GRIK4: variants seen among roughly 807,000 people sequenced by gnomAD.
The protein encoded by GRIK4 is glutamate receptor ionotropic, kainate 4.
In GRIK4, 40 loss-of-function variants were observed where a neutral mutation model predicts 104.9. The ratio of observed to expected loss-of-function variants is 0.38; its 90% CI spans 0.30 to 0.50. The LOEUF (loss-of-function observed/expected upper bound fraction) is 0.50, where lower values mean the gene tolerates loss of function less well. Among genes scored for constraint, GRIK4 ranks in the 20% least tolerant of loss-of-function variants. GRIK4 has a pLI of 0.93. For synonymous variants in GRIK4, 485 were observed against 524.9 expected, an observed-to-expected ratio of 0.92 and a Z score of 1.04; for missense variants, 1,047 against 1,308.1, an observed-to-expected ratio of 0.80 and a Z score of 3.08.
At chr11:120,954,732 G>A (rs1944094379) in intron 15 of GRIK4, among the ~76,000 whole-genome samples, 2 of 148,018 alleles carry the variant, frequency 1.4e-5, no homozygotes, top group Admixed American at 6.8e-5. Context: ...TCACAGAAAG[G>A]TTAACAGAAA....
At chr11:120,864,001 T>C (rs1954327873) in intron 9 of GRIK4, among the ~76,000 whole-genome samples, 1 of 151,882 alleles carries the variant, frequency 6.6e-6, no homozygotes, top group African/African-American at 2.4e-5. Flanking sequence ...ATTTTAGACC[T>C]AAAAGAGGCA....
At chr11:120,826,516 C>T (rs986163239) in intron 6 of GRIK4, among the ~76,000 whole-genome samples, 4 of 152,194 alleles carry the variant, frequency 2.6e-5, no homozygotes, top group African/African-American at 9.7e-5. Context: ...TTAGGAAACA[C>T]TGAAGGTTAT....
chr11:120,681,180 A>G (rs1327322551), intron 3 of GRIK4, among the ~76,000 whole-genome samples: 4 of 152,182 alleles, frequency 2.6e-5, no homozygotes, highest in Admixed American at 1.3e-4. Context: ...AGGATCATCA[A>G]AAAGAAAGGG....
At chr11:120,843,098 C>T (rs1375335403) in intron 8 of GRIK4, among the ~76,000 whole-genome samples, 1 of 152,258 alleles carries the variant, frequency 6.6e-6, no homozygotes, top group Admixed American at 6.5e-5. Context: ...GGTCAAAAGT[C>T]AGGGACTGCC....
chr11:120,550,838 G>A (rs1190863885), intron 1 of GRIK4, among the ~76,000 whole-genome samples: 2 of 152,138 alleles, frequency 1.3e-5, no homozygotes, highest in South Asian at 2.1e-4. Context: ...ACGGAGGAGT[G>A]GGCACAAACC....
intron 16 of GRIK4, among the ~76,000 whole-genome samples, chr11:120,959,945 C>T (rs1482974830): frequency 6.6e-6 from 1 of 152,194 alleles, no homozygotes; most frequent in Non-Finnish European, 1.5e-5. Flanking sequence ...AGGAAGACCA[C>T]TTGAGCCCGG....
At chr11:120,614,156 C>T (rs992412971) in intron 1 of GRIK4, among the ~76,000 whole-genome samples, 1 of 152,180 alleles carries the variant, frequency 6.6e-6, no homozygotes, top group Non-Finnish European at 1.5e-5. Context: ...CCCATGTAGG[C>T]GTGGCTCCCC....
At chr11:120,650,273 G>A (rs532715993) in intron 1 of GRIK4, among the ~76,000 whole-genome samples, 2 of 152,336 alleles carry the variant, frequency 1.3e-5, no homozygotes, top group East Asian at 3.9e-4. Context: ...CCTAGACCAA[G>A]GGGTGCAGAG....
chr11:120,636,638 G>A (rs370047428), intron 1 of GRIK4, among the ~76,000 whole-genome samples: 3 of 152,072 alleles, frequency 2.0e-5, no homozygotes, highest in African/African-American at 7.2e-5. Flanking sequence ...TCAGGAGGTC[G>A]AGACCATCCT....
intron 3 of GRIK4, among the ~76,000 whole-genome samples, chr11:120,707,848 C>T (rs981837490): frequency 1.3e-5 from 2 of 152,148 alleles, no homozygotes; most frequent in East Asian, 3.9e-4. Flanking sequence ...TGCATGTGGG[C>T]CCCTCTGCAC....
intron 1 of GRIK4, among the ~76,000 whole-genome samples, chr11:120,523,522 G>A (rs889356968): frequency 6.6e-6 from 1 of 152,084 alleles, no homozygotes; most frequent in Non-Finnish European, 1.5e-5. Flanking sequence ...TACTTCTCTC[G>A]CTGCTTCTCC....
chr11:120,512,617 C>A (rs1947676920), intron 1 of GRIK4, among the ~76,000 whole-genome samples: 2 of 148,172 alleles, frequency 1.3e-5, no homozygotes, highest in South Asian at 4.4e-4. Flanking sequence ...CTCTAGAGAC[C>A]TGCAATGGGC....
At chr11:120,642,948 C>T (rs1949488984) in intron 1 of GRIK4, among the ~76,000 whole-genome samples, 1 of 152,110 alleles carries the variant, frequency 6.6e-6, no homozygotes, top group African/African-American at 2.4e-5. Context: ...TGCCATGGCC[C>T]CCTCCCAGAA....
chr11:120,731,682 A>C (rs1259895048), intron 3 of GRIK4, among the ~76,000 whole-genome samples: 1 of 152,168 alleles, frequency 6.6e-6, no homozygotes, highest in African/African-American at 2.4e-5. Flanking sequence ...CAGTAAAGCT[A>C]TCAGGTCCCA....
chr11:120,924,754 G>C (rs1943305163), intron 13 of GRIK4, among the ~76,000 whole-genome samples: 1 of 152,182 alleles, frequency 6.6e-6, no homozygotes, highest in South Asian at 2.1e-4. Context: ...AACAGTTTTG[G>C]GGTATGACTA....
At chr11:120,532,833 G>A (rs1031595530) in intron 1 of GRIK4, among the ~76,000 whole-genome samples, 1 of 152,112 alleles carries the variant, frequency 6.6e-6, no homozygotes, top group African/African-American at 2.4e-5. Flanking sequence ...GATGCTTTGG[G>A]CTTCTCCTTG....
intron 19 of GRIK4, among the ~76,000 whole-genome samples, chr11:120,968,726 A>C (rs1226615581): frequency 6.6e-6 from 1 of 152,214 alleles, no homozygotes; most frequent in African/African-American, 2.4e-5. Context: ...ACACGAATGG[A>C]CACAGGGCAT....
At chr11:120,573,051 G>A (rs1002983645) in intron 1 of GRIK4, among the ~76,000 whole-genome samples, 17 of 152,210 alleles carry the variant, frequency 1.1e-4, no homozygotes, top group African/African-American at 3.6e-4. Flanking sequence ...TTAATTTGAG[G>A]TATTTAAAAT....
intron 3 of GRIK4, among the ~76,000 whole-genome samples, chr11:120,733,506 G>T (rs990922742): frequency 6.6e-6 from 1 of 150,930 alleles, no homozygotes; most frequent in Non-Finnish European, 1.5e-5. Flanking sequence ...TTTTTGGGGG[G>T]GGAGCTTACC....
Sources: allele counts gnomAD v4.1 joint callset (sites outside exome capture counted in the v4.1 genomes callset), GRCh38; gene constraint gnomAD v4.1.1; transcripts MANE v1.5; gene names NCBI Gene and HGNC (gene_info 2026-07-23, HGNC 2026-07-21).